Variants in THSD7B observed in about 807,000 individuals in gnomAD.
The protein encoded by THSD7B is thrombospondin type-1 domain-containing protein 7B.
In THSD7B, 138 loss-of-function variants were observed where a neutral mutation model predicts 213.6. That is an observed-to-expected ratio of 0.65 (90% CI 0.56 to 0.74). The LOEUF is 0.74. THSD7B is among the 30% of genes least tolerant of loss of function. The pLI is 0.00. For missense variants in THSD7B, 1,931 were observed against 1,991.5 expected (o/e 0.97, Z 0.58); for synonymous variants, 742 against 687.0 (o/e 1.08, Z -1.25).
chr2:136,941,368 T>C (rs1361598094), intron 2 of THSD7B, among the ~76,000 whole-genome samples: 3 of 152,158 alleles, frequency 2.0e-5, no homozygotes, highest in Non-Finnish European at 2.9e-5. Flanking sequence ...TGGGTATATA[T>C]CCAGTAATGG....
intron 2 of THSD7B, among the ~76,000 whole-genome samples, chr2:136,977,784 CTTTT>C (rs1269897808): frequency 8.3e-6 from 1 of 121,078 alleles, no homozygotes; most frequent in Non-Finnish European, 1.6e-5. Flanking sequence ...GAATGAGTTT[CTTTT>C]TTTCTTTTCT....
chr2:137,359,520 G>T (rs1685206594), intron 12 of THSD7B, among the ~76,000 whole-genome samples: 1 of 152,148 alleles, frequency 6.6e-6, no homozygotes, highest in Admixed American at 6.5e-5. Context: ...GGTATGGGGT[G>T]GTTTCGGGGT....
At chr2:137,145,764 A>G (rs1023306948) in intron 5 of THSD7B, among the ~76,000 whole-genome samples, 12 of 152,224 alleles carry the variant, frequency 7.9e-5, no homozygotes, top group African/African-American at 2.9e-4. Flanking sequence ...AAAGAACTAT[A>G]TTACTTTGAA....
chr2:137,038,633 T>G (rs1686821833), intron 2 of THSD7B, among the ~76,000 whole-genome samples: 2 of 152,282 alleles, frequency 1.3e-5, no homozygotes, highest in Admixed American at 1.3e-4. Context: ...TTTTTAAGGA[T>G]GTGGATAGGC....
Position 137,537,353 on chromosome 2 carries a change from T to C in THSD7B, c.3139-25868T>C, listed in dbSNP as rs142546303. 2.1e-4 allele frequency among the ~76,000 whole-genome samples: 32 copies of C among 151,912 alleles called. No individual in the cohort carries two copies. The East Asian group carries it at 6.2e-3, about 30-fold the overall frequency. ...TTAAGGATTTTTAATGTTTCTATAC[T>C]TCTATCTAAAGCCAAACGTATTCTT... On this transcript the variant is annotated intron_variant, in intron 15 of 27. Coordinates refer to ENST00000409968, the MANE Select transcript of THSD7B (RefSeq NM_001316349.2).
chr2:137,100,739 T>C (rs1688135308), intron 4 of THSD7B, among the ~76,000 whole-genome samples: 1 of 152,076 alleles, frequency 6.6e-6, no homozygotes, highest in Admixed American at 6.5e-5. Context: ...CTTTATTATA[T>C]AGTAAGTATG....
At chr2:136,884,984 A>G (rs1258792071) in intron 2 of THSD7B, among the ~76,000 whole-genome samples, 1 of 152,172 alleles carries the variant, frequency 6.6e-6, no homozygotes, top group Non-Finnish European at 1.5e-5. Context: ...GACAACATCA[A>G]CATCTTAGAA....
chr2:137,232,649 CAATT>C (rs1244967747), intron 8 of THSD7B, among the ~76,000 whole-genome samples: 1 of 152,110 alleles, frequency 6.6e-6, no homozygotes, highest in East Asian at 1.9e-4. Flanking sequence ...GCAACAGAGT[CAATT>C]AATTTTAAAA....
chr2:137,430,240 C>A (rs1301526376), intron 14 of THSD7B, among the ~76,000 whole-genome samples: 4 of 151,888 alleles, frequency 2.6e-5, no homozygotes, highest in South Asian at 2.1e-4. Flanking sequence ...AGAGCAAGAC[C>A]CTGACTCAAA....
At chr2:137,645,331 A>T (rs1185849441) in intron 21 of THSD7B, among the ~76,000 whole-genome samples, 3 of 152,234 alleles carry the variant, frequency 2.0e-5, no homozygotes, top group Non-Finnish European at 4.4e-5. Context: ...CATTGTATAC[A>T]AAACCTCTAT....
intron 1 of THSD7B, among the ~76,000 whole-genome samples, chr2:136,767,456 AGTGTGT>A (rs6146926): frequency 4.1e-5 from 6 of 146,594 alleles, no homozygotes; most frequent in Admixed American, 3.4e-4. Context: ...ATCCCTGGGA[AGTGTGT>A]GTGTGTGTGT....
chr2:137,365,599 T>G (rs1036378807), intron 12 of THSD7B, among the ~76,000 whole-genome samples: 4 of 152,208 alleles, frequency 2.6e-5, no homozygotes, highest in South Asian at 4.1e-4. Context: ...CAGACACTTT[T>G]CAAAAGAAGA....
intron 11 of THSD7B, 30 bp from the exon 12 acceptor site, chr2:137,275,893 T>C (rs769129230): frequency 1.9e-6 from 3 of 1,554,378 alleles, no homozygotes; most frequent in Non-Finnish European, 2.6e-6. Context: ...CACAGTAAAG[T>C]TTCTAGTCCA....
chr2:137,278,903 C>A (rs1386551014), intron 12 of THSD7B, among the ~76,000 whole-genome samples: 2 of 152,034 alleles, frequency 1.3e-5, no homozygotes, highest in African/African-American at 4.8e-5. Context: ...TTACAATATA[C>A]TTTTTCAGCT....
At chr2:136,952,784 A>G (rs1685061584) in intron 2 of THSD7B, among the ~76,000 whole-genome samples, 1 of 151,914 alleles carries the variant, frequency 6.6e-6, no homozygotes, top group African/African-American at 2.4e-5. Flanking sequence ...AGATTATTTC[A>G]CCTTTGACTT....
intron 5 of THSD7B, among the ~76,000 whole-genome samples, chr2:137,116,616 T>G (rs1019029482): frequency 2.6e-5 from 4 of 152,238 alleles, no homozygotes; most frequent in African/African-American, 7.2e-5. Flanking sequence ...ATTGACATTT[T>G]CATCTTTCTA....
intron 12 of THSD7B, among the ~76,000 whole-genome samples, chr2:137,312,465 A>G (rs1156951328): frequency 6.8e-6 from 1 of 148,078 alleles, no homozygotes; most frequent in East Asian, 2.0e-4. Flanking sequence ...CAGCTCCTGG[A>G]TTCGTTAATT....
At chr2:137,562,560 T>C (rs987294334) in intron 15 of THSD7B, among the ~76,000 whole-genome samples, 2 of 151,406 alleles carry the variant, frequency 1.3e-5, no homozygotes, top group African/African-American at 4.8e-5. Flanking sequence ...TCAGTAATCA[T>C]GCAGAGCCAG....
At chr2:137,521,162 G>A (rs1436107337) in intron 15 of THSD7B, among the ~76,000 whole-genome samples, 1 of 152,154 alleles carries the variant, frequency 6.6e-6, no homozygotes, top group African/African-American at 2.4e-5. Flanking sequence ...GTGAGAAAGA[G>A]CTGATCCAGA....
Sources: gnomAD v4.1 joint callset for allele counts (sites outside exome capture counted in the v4.1 genomes callset) on GRCh38, gnomAD v4.1.1 for gene constraint, MANE v1.5 for transcripts, NCBI Gene and HGNC (gene_info 2026-07-23, HGNC 2026-07-21) for gene names.